The following PEBP4 variants were observed in gnomAD, a reference collection of about 807,000 sequenced individuals.
PEBP4 encodes phosphatidylethanolamine-binding protein 4.
Under a neutral mutation model 23.9 loss-of-function variants are expected in PEBP4, and 22 were observed. The ratio of observed to expected loss-of-function variants is 0.92; its 90% CI spans 0.66 to 1.31. The LOEUF is 1.31. Among genes scored for constraint, PEBP4 ranks in the 40% most tolerant of loss-of-function variants. The pLI is 0.00. For missense variants in PEBP4, 324 were observed against 281.7 expected (o/e 1.15, Z -1.07); for synonymous variants, 112 against 99.3 (o/e 1.13, Z -0.76).
intron 3 of PEBP4, chr8:22,888,052 G>A (rs1379574102): frequency 6.6e-6 from 1 of 151,892 alleles, no homozygotes; most frequent in Admixed American, 6.5e-5. Flanking sequence ...CCAGTTAATT[G>A]TCTTCCCCTG....
chr8:22,720,723 G>A (rs371028322), intron 6 of PEBP4, among the ~76,000 whole-genome samples: 2 of 140,962 alleles, frequency 1.4e-5, no homozygotes, highest in Non-Finnish European at 3.2e-5. Flanking sequence ...TTAGATTTCA[G>A]GGGTCTCTCT....
At chr8:22,886,450 G>T (rs2128773580) in intron 3 of PEBP4, 1 of 152,366 alleles carries the variant, frequency 6.6e-6, no homozygotes, top group African/African-American at 2.4e-5. Context: ...TTAAAATGCA[G>T]CTGAAAACAA....
intron 1 of PEBP4, among the ~76,000 whole-genome samples, chr8:22,936,346 G>C (rs1480455723): frequency 6.6e-6 from 1 of 152,010 alleles, no homozygotes; most frequent in Non-Finnish European, 1.5e-5. Flanking sequence ...TAATAAATTT[G>C]ATAACCCAGA....
chr8:22,821,531 A>G (rs1806856316), intron 3 of PEBP4, among the ~76,000 whole-genome samples: 1 of 152,146 alleles, frequency 6.6e-6, no homozygotes, highest in Admixed American at 6.5e-5. Flanking sequence ...TGTTGAAATC[A>G]ACAGGGAGAG....
intron 4 of PEBP4, among the ~76,000 whole-genome samples, chr8:22,759,652 T>A (rs2128752843): frequency 6.6e-6 from 1 of 152,314 alleles, no homozygotes; most frequent in East Asian, 1.9e-4. Flanking sequence ...TGCAGTAGGA[T>A]ACCCAGGCCA....
intron 3 of PEBP4, among the ~76,000 whole-genome samples, chr8:22,872,359 A>ATGG (rs1222011726): frequency 3.9e-5 from 6 of 152,208 alleles, no homozygotes; most frequent in Non-Finnish European, 7.3e-5. Flanking sequence ...TTGCCAAGCC[A>ATGG]CACCTCCTGG....
intron 6 of PEBP4, among the ~76,000 whole-genome samples, chr8:22,718,440 T>C (rs370903280): frequency 1.3e-5 from 2 of 152,208 alleles, no homozygotes; most frequent in South Asian, 2.1e-4. Flanking sequence ...TTCTTCACGA[T>C]GTGTTCAACA....
At chr8:22,750,195 G>C (rs1220626279) in intron 4 of PEBP4, among the ~76,000 whole-genome samples, 2 of 150,934 alleles carry the variant, frequency 1.3e-5, no homozygotes, top group Non-Finnish European at 3.0e-5. Flanking sequence ...TCCACCTCGC[G>C]GGTTCAAGCA....
intron 3 of PEBP4, among the ~76,000 whole-genome samples, chr8:22,878,642 C>T (rs1245085406): frequency 1.3e-5 from 2 of 152,168 alleles, no homozygotes; most frequent in Admixed American, 6.5e-5. Flanking sequence ...GGGATGCTCA[C>T]TCGGACTCTG....
rs138662629 is a variant in PEBP4 at position 22,794,079 on chromosome 8, G to A, written c.357+23558C>T. Among the ~76,000 whole-genome samples the A allele has an allele frequency of 7.1e-3, 1,077 of 152,042 alleles. 8 individuals carry two copies. Among genetic ancestry groups the A allele is most frequent in the African/African-American group, 0.025 (1,017 of 41,478 alleles). On this transcript the variant is annotated intron_variant, in intron 4 of 6. Coordinates refer to ENST00000256404, the MANE Select transcript of PEBP4 (RefSeq NM_144962.3). ...GTTTGCATTTCCAACTGCCAGGGTC[G>A]ATTTTCATTTTTCATATCTTTATAT... is the stretch of plus-strand genomic sequence containing the variant.
chr8:22,872,272 C>T (rs1189329676), intron 3 of PEBP4, among the ~76,000 whole-genome samples: 1 of 152,180 alleles, frequency 6.6e-6, no homozygotes, highest in African/African-American at 2.4e-5. Flanking sequence ...TATCCATTGT[C>T]AGTAGAGTTA....
chr8:22,865,365 CGGTGGCGGTGGCGGT>C lies in PEBP4; in HGVS notation c.259-47645_259-47631del, dbSNP rs942784126. Among the ~76,000 whole-genome samples, 4 of 1,312 alleles carry C rather than the reference CGGTGGCGGTGGCGGT, an allele frequency of 3.0e-3. No individual in the cohort carries two copies. Among genetic ancestry groups the C allele is most frequent in the Non-Finnish European group, 0.02 (4 of 198 alleles). 0.9% of individuals were successfully genotyped at this position (1,312 alleles called of 152,430 possible). A position where few individuals can be genotyped will look rare whatever the true frequency, so the allele number is the denominator to read the frequency against. On this transcript the variant is annotated intron_variant, in intron 3 of 6. Coordinates refer to ENST00000256404, the MANE Select transcript of PEBP4 (RefSeq NM_144962.3). This position sits in a 1 kb window ranked among gnomAD's most constrained non-coding sequence, Gnocchi z 6.9. ...CCCGCTGCCCACCCACGGGCGGTGA[CGGTGGCGGTGGCGGT>C]GGCGGCGGCGGGACCCCGGGCCTGG... is the stretch of plus-strand genomic sequence containing the variant.
chr8:22,776,787 A>G (rs2128754663), intron 4 of PEBP4, among the ~76,000 whole-genome samples: 1 of 148,450 alleles, frequency 6.7e-6, no homozygotes, highest in South Asian at 2.3e-4. Flanking sequence ...CTGATCGGGC[A>G]TCCGAGATAT....
At chr8:22,850,556 C>CGTGTGT (rs71274535) in intron 3 of PEBP4, among the ~76,000 whole-genome samples, 14 of 150,582 alleles carry the variant, frequency 9.3e-5, no homozygotes. Flanking sequence ...CCATGGCAAG[C>CGTGTGT]GTGTGTGTGT....
intron 3 of PEBP4, among the ~76,000 whole-genome samples, chr8:22,821,406 A>G (rs2128762536): frequency 6.6e-6 from 1 of 152,286 alleles, no homozygotes; most frequent in South Asian, 2.1e-4. Flanking sequence ...GGGCAGACGT[A>G]GGAGAGGAAG....
chr8:22,836,424 A>G (rs201348841), intron 3 of PEBP4, among the ~76,000 whole-genome samples: 5 of 152,364 alleles, frequency 3.3e-5, no homozygotes, highest in East Asian at 1.9e-4. Flanking sequence ...CTGCACACCT[A>G]GGTCTCTGGA....
intron 3 of PEBP4, among the ~76,000 whole-genome samples, chr8:22,871,046 C>T (rs567632023): frequency 3.3e-5 from 5 of 152,250 alleles, no homozygotes; most frequent in South Asian, 4.2e-4. Flanking sequence ...CCTATTGCTA[C>T]GCCTGACCCC....
At chr8:22,840,609 CAG>C (rs1807305632) in intron 3 of PEBP4, among the ~76,000 whole-genome samples, 1 of 152,214 alleles carries the variant, frequency 6.6e-6, no homozygotes, top group South Asian at 2.1e-4. Flanking sequence ...GAGAAATTTT[CAG>C]AGTTACCTTA....
intron 4 of PEBP4, among the ~76,000 whole-genome samples, chr8:22,729,798 A>G (rs927481602): frequency 2.6e-5 from 4 of 152,082 alleles, no homozygotes; most frequent in African/African-American, 7.2e-5. Context: ...CTGGTGGAGG[A>G]GGGTGGAGGA....
Sources: gnomAD v4.1 joint callset for allele counts (sites outside exome capture counted in the v4.1 genomes callset) on GRCh38, gnomAD v4.1.1 for gene constraint, Gnocchi (gnomAD v3.1) non-coding constraint, MANE v1.5 for transcripts, NCBI Gene and HGNC (gene_info 2026-07-23, HGNC 2026-07-21) for gene names.